The following CGGBP1 variants were observed in gnomAD, a reference collection of about 807,000 sequenced individuals.
CGGBP1 encodes the protein CGG triplet repeat binding protein 1, also known as CGG triplet repeat-binding protein 1.
Under a neutral mutation model 11.4 loss-of-function variants are expected in CGGBP1, and 4 were observed. That is an observed-to-expected ratio of 0.35 (90% CI 0.17 to 0.80). The LOEUF (loss-of-function observed/expected upper bound fraction) is 0.80. CGGBP1 is among the 30% of genes least tolerant of loss of function. The probability of loss-of-function intolerance (pLI) is 0.52; values close to 1 mark genes in which losing one functional copy is unlikely to be tolerated. For synonymous variants in CGGBP1, 76 were observed against 74.1 expected (o/e 1.03, Z -0.13); for missense variants, 135 against 202.1 (o/e 0.67, Z 2.01).
intron 2 of CGGBP1, among the ~76,000 whole-genome samples, chr3:88,112,056 A>G (rs1407430335): frequency 1.3e-5 from 2 of 151,986 alleles, no homozygotes; most frequent in Non-Finnish European, 1.5e-5. Flanking sequence ...AATATTTTTC[A>G]GTGTATCAGT....
chr3:88,142,292 A>C (rs1245434318), intron 1 of CGGBP1: 6 of 55,792 alleles, frequency 1.1e-4, no homozygotes, highest in Admixed American at 8.7e-4. Context: ...ATTAAAAAAC[A>C]AAACAAAAAA....
chr3:88,069,103 C>G (rs1266448729), intron 2 of CGGBP1, among the ~76,000 whole-genome samples: 1 of 151,140 alleles, frequency 6.6e-6, no homozygotes, highest in Non-Finnish European at 1.5e-5. Flanking sequence ...AAATCAAATT[C>G]AATCTAGCAG....
intron 2 of CGGBP1, chr3:88,129,056 CA>C (rs753725595): frequency 1.2e-4 from 156 of 1,284,878 alleles, no homozygotes; most frequent in East Asian, 3.3e-4. Flanking sequence ...TTAACCCTAC[CA>C]AAAAAAAACC....
rs1704761775 is a variant in CGGBP1, at chr3:88,106,705, G to GTAATTAAAAA, written c.-229+34264_-229+34265insTTTTTAATTA. Among the ~76,000 whole-genome samples, 5 of 152,068 alleles carry GTAATTAAAAA rather than the reference G, an allele frequency of 3.3e-5. No individual in the cohort carries two copies. The South Asian group carries it at 1.0e-3, about 32-fold the overall frequency. On this transcript the variant is annotated intron_variant, in intron 2 of 3. Coordinates refer to the CGGBP1 transcript ENST00000462901. ...AATTTGTTTAATGCTTTTTTAAGCTGTGTAGATTTTTAAAATGTAATTAAA... is the reference window on the plus strand; with the variant it reads ...AATTTGTTTAATGCTTTTTTAAGCTGTAATTAAAAATGTAGATTTTTAAAATGTAATTAAA...
intron 2 of CGGBP1, chr3:88,129,678 C>T (rs1028924158): frequency 3.7e-5 from 53 of 1,447,548 alleles, no homozygotes; most frequent in Non-Finnish European, 3.4e-5. Flanking sequence ...TTCTCTTTTC[C>T]TCTTACAGCA....
intron 2 of CGGBP1, among the ~76,000 whole-genome samples, chr3:88,113,562 A>G (rs574520048): frequency 6.6e-6 from 1 of 152,186 alleles, no homozygotes; most frequent in East Asian, 1.9e-4. Context: ...TCTCTCTCAT[A>G]ATAGCTTTCC....
At chr3:88,127,990 T>A (rs1706220708) in intron 2 of CGGBP1, among the ~76,000 whole-genome samples, 1 of 152,204 alleles carries the variant, frequency 6.6e-6, no homozygotes, top group Non-Finnish European at 1.5e-5. Flanking sequence ...TAGAAGCTAC[T>A]GATTAAATAT....
intron 2 of CGGBP1, among the ~76,000 whole-genome samples, chr3:88,100,754 G>A (rs1267007732): frequency 6.6e-6 from 1 of 151,800 alleles, no homozygotes; most frequent in Non-Finnish European, 1.5e-5. Context: ...GGTGGGAATT[G>A]AACAATGAGA....
rs143277793 is a variant in CGGBP1 at position 88,103,684 on chromosome 3, G to A, written c.-229+37286C>T. Reference sequence around the variant, plus strand: ...AAGAAGAATGAAGATAATGTGTAGCGGACATCTCTTCAGAAATTGCAAGTT... The same window carrying A: ...AAGAAGAATGAAGATAATGTGTAGCAGACATCTCTTCAGAAATTGCAAGTT... On this transcript the variant is annotated intron_variant, in intron 2 of 3. Coordinates refer to the CGGBP1 transcript ENST00000462901. Among the ~76,000 whole-genome samples the A allele has an allele frequency of 2.3e-3, 355 of 151,600 alleles. 2 individuals are homozygous for A. The highest frequency in any genetic ancestry group is 3.7e-3 in the East Asian group (19 of 5,178).
At chr3:88,141,390 G>A (rs1197324195) in intron 1 of CGGBP1, among the ~76,000 whole-genome samples, 1 of 151,956 alleles carries the variant, frequency 6.6e-6, no homozygotes, top group African/African-American at 2.4e-5. Context: ...TATAATAAAA[G>A]TTGTAATTTT....
chr3:88,074,834 A>AC (rs1707712154), intron 2 of CGGBP1, among the ~76,000 whole-genome samples: 1 of 152,172 alleles, frequency 6.6e-6, no homozygotes, highest in South Asian at 2.1e-4. Context: ...AAAACAGGAT[A>AC]CCAAGTGAAT....
intron 2 of CGGBP1, among the ~76,000 whole-genome samples, chr3:88,082,376 T>G (rs1303983321): frequency 6.6e-6 from 1 of 152,198 alleles, no homozygotes; most frequent in Non-Finnish European, 1.5e-5. Context: ...CTGCCCGCCT[T>G]GGCCTCCCAA....
intron 2 of CGGBP1, among the ~76,000 whole-genome samples, chr3:88,071,992 A>C (rs542345435): frequency 6.6e-6 from 1 of 152,298 alleles, no homozygotes; most frequent in South Asian, 2.1e-4. Context: ...ACTTTTTCTT[A>C]CTATCAATCA....
At chr3:88,082,398 T>G (rs1708124875) in intron 2 of CGGBP1, among the ~76,000 whole-genome samples, 2 of 152,212 alleles carry the variant, frequency 1.3e-5, no homozygotes, top group Admixed American at 1.3e-4. Context: ...GTGTTGGGAT[T>G]ACAGGCGTGA....
intron 3 of CGGBP1, chr3:88,056,823 C>A (rs1706554747): frequency 6.6e-6 from 1 of 152,120 alleles, no homozygotes; most frequent in South Asian, 2.1e-4. Flanking sequence ...TACGTATCTT[C>A]AATATTTGTC....
chr3:88,066,753 T>G (rs904148202), intron 2 of CGGBP1, among the ~76,000 whole-genome samples: 3 of 152,152 alleles, frequency 2.0e-5, no homozygotes, highest in African/African-American at 7.2e-5. Flanking sequence ...TTTTCTTGCT[T>G]TCCTGCCAAA....
chr3:88,077,333 TG>T (rs200318906), intron 2 of CGGBP1, among the ~76,000 whole-genome samples: 6,386 of 144,628 alleles, frequency 0.044, 579 homozygotes, highest in African/African-American at 0.14. Flanking sequence ...AGACTTAAAT[TG>T]TTTTTTTTTT....
At chr3:88,112,846 T>C (rs1447948363) in intron 2 of CGGBP1, among the ~76,000 whole-genome samples, 1 of 152,060 alleles carries the variant, frequency 6.6e-6, no homozygotes, top group Non-Finnish European at 1.5e-5. Context: ...TTAAATTGTA[T>C]TGCATTGTGG....
chr3:88,064,513 G>A (rs9866349), intron 2 of CGGBP1, among the ~76,000 whole-genome samples: 119,159 of 152,092 alleles, frequency 0.78, 47,595 homozygotes, highest in South Asian at 0.91. Flanking sequence ...TTTTGTTTCT[G>A]ACTCTGTTTT....
Sources: allele counts gnomAD v4.1 joint callset (sites outside exome capture counted in the v4.1 genomes callset), GRCh38; gene constraint gnomAD v4.1.1; transcripts MANE v1.5; gene names NCBI Gene and HGNC (gene_info 2026-07-23, HGNC 2026-07-21).